Variants in WLS observed in about 807,000 individuals in gnomAD.
WLS encodes the protein Wnt ligand secretion mediator, also known as protein wntless homolog.
A neutral mutation model predicts 62.8 loss-of-function variants in WLS; 23 were observed. That is an observed-to-expected ratio of 0.37 (90% confidence interval 0.26 to 0.52). The LOEUF (loss-of-function observed/expected upper bound fraction) is 0.52, where lower values mean the gene tolerates loss of function less well. Ranked by LOEUF, WLS falls within the 20% of genes least tolerant of loss-of-function variation. WLS has a pLI of 0.92. For missense variants in WLS, 615 were observed against 697.3 expected (o/e 0.88, Z 1.33); for synonymous variants, 246 against 244.1 (o/e 1.01, Z -0.07).
intron 1 of WLS, among the ~76,000 whole-genome samples, chr1:68,217,647 C>T (rs114526268): frequency 6.6e-5 from 10 of 152,286 alleles, no homozygotes; most frequent in South Asian, 2.1e-4. Flanking sequence ...CTTAAAACTC[C>T]GGGGTCCTAC....
At chr1:68,220,876 C>T (rs1435480916) in intron 1 of WLS, among the ~76,000 whole-genome samples, 4 of 152,254 alleles carry the variant, frequency 2.6e-5, no homozygotes. Context: ...GAAGTTTTAA[C>T]ATAGAAATAT....
chr1:68,194,380 TG>T (rs1648545738), intron 1 of WLS, among the ~76,000 whole-genome samples, 153 bp from the exon 2 acceptor site: 1 of 152,220 alleles, frequency 6.6e-6, no homozygotes, highest in Admixed American at 6.5e-5. Context: ...CAAATCTGGG[TG>T]AGGATCTTTC....
intron 11 of WLS, among the ~76,000 whole-genome samples, chr1:68,127,683 T>C (rs1646455835): frequency 6.6e-6 from 1 of 152,182 alleles, no homozygotes; most frequent in South Asian, 2.1e-4. Context: ...ATATGATAAG[T>C]TTTCTGGAAC....
At chr1:68,216,940 T>C (rs1649753147) in intron 1 of WLS, among the ~76,000 whole-genome samples, 1 of 152,224 alleles carries the variant, frequency 6.6e-6, no homozygotes, top group East Asian at 1.9e-4. Flanking sequence ...TTGGTAGGGC[T>C]GTGCGTTTAT....
At chr1:68,222,420 G>A (rs1018967311) in intron 1 of WLS, among the ~76,000 whole-genome samples, 2 of 152,184 alleles carry the variant, frequency 1.3e-5, no homozygotes, top group Non-Finnish European at 2.9e-5. Flanking sequence ...AGGATACAAA[G>A]GGAAGGGGGA....
chr1:68,117,342 A>G (rs1294870880), intron 11 of WLS: 2 of 152,254 alleles, frequency 1.3e-5, no homozygotes, highest in Non-Finnish European at 2.9e-5. Context: ...GAGAGGTACT[A>G]TAGCTTGGCC....
At chr1:68,197,715 C>G (rs1172058502) in intron 1 of WLS, among the ~76,000 whole-genome samples, 1 of 152,142 alleles carries the variant, frequency 6.6e-6, no homozygotes. Context: ...CAGCTGGTAG[C>G]TGGTCACCTA....
chr1:68,161,925 T>G, intron 2 of WLS: 1 of 1,610,966 alleles, frequency 6.2e-7, no homozygotes, highest in Non-Finnish European at 8.5e-7. Flanking sequence ...CCACGATGCC[T>G]GGCGGATATC....
chr1:68,231,541 TC>T (rs1453885370), intron 1 of WLS: 3 of 292,172 alleles, frequency 1.0e-5, no homozygotes, highest in Non-Finnish European at 2.1e-5. Context: ...AAGGACTCCC[TC>T]CCACCCCACC....
chr1:68,099,985 G>A (rs892086103), intron 11 of WLS, among the ~76,000 whole-genome samples: 3 of 152,200 alleles, frequency 2.0e-5, no homozygotes, highest in African/African-American at 7.2e-5. Flanking sequence ...TCTTAGGAGA[G>A]TATACAGTAG....
chr1:68,151,938 G>T (rs1320154293), intron 5 of WLS, among the ~76,000 whole-genome samples: 1 of 152,146 alleles, frequency 6.6e-6, no homozygotes, highest in African/African-American at 2.4e-5. Context: ...CAAGGAAAGG[G>T]GTTGCGAGGC....
intron 2 of WLS, among the ~76,000 whole-genome samples, chr1:68,166,692 A>G (rs1461844540): frequency 6.6e-6 from 1 of 152,246 alleles, no homozygotes; most frequent in Non-Finnish European, 1.5e-5. Context: ...TATGGCTCAT[A>G]AGAATGTCTG....
chr1:68,147,301 G>T (rs993266678), intron 8 of WLS, among the ~76,000 whole-genome samples: 1 of 152,122 alleles, frequency 6.6e-6, no homozygotes, highest in African/African-American at 2.4e-5. Flanking sequence ...TTTGGTGGGG[G>T]CATAACAGAG....
chr1:68,116,734 G>T (rs1184328001), intron 11 of WLS, among the ~76,000 whole-genome samples: 1 of 152,226 alleles, frequency 6.6e-6, no homozygotes, highest in Non-Finnish European at 1.5e-5. Context: ...TTAGAACAGT[G>T]CCTGGTACTT....
At chr1:68,140,319 T>C (rs1203882545) in intron 10 of WLS, among the ~76,000 whole-genome samples, 1 of 152,130 alleles carries the variant, frequency 6.6e-6, no homozygotes, top group African/African-American at 2.4e-5. Context: ...TCTCTGAAGG[T>C]AGCACATGCT....
At chr1:68,109,726 A>T (rs1215695323) in intron 11 of WLS, among the ~76,000 whole-genome samples, 1 of 152,134 alleles carries the variant, frequency 6.6e-6, no homozygotes, top group East Asian at 1.9e-4. Flanking sequence ...ATCAATAATC[A>T]TTATAGGTTC....
intron 2 of WLS, among the ~76,000 whole-genome samples, chr1:68,165,514 C>G (rs1023281841): frequency 4.6e-5 from 7 of 152,062 alleles, no homozygotes; most frequent in African/African-American, 9.7e-5. Context: ...GGTCTGGCTT[C>G]CCAAGAAGAA....
intron 2 of WLS, chr1:68,162,199 C>A (rs138222216): frequency 4.9e-6 from 7 of 1,438,586 alleles, no homozygotes; most frequent in Admixed American, 1.7e-5. Flanking sequence ...CTCCGACTCA[C>A]GCACATAGAG....
chr1:68,193,444 G>GAAAAAAAA (rs111934768), intron 2 of WLS, among the ~76,000 whole-genome samples: 110 of 35,632 alleles, frequency 3.1e-3, no homozygotes, highest in African/African-American at 8.0e-3. Flanking sequence ...AAAAAAAAAC[G>GAAAAAAAA]AAAAAAAAAC....
Sources: allele counts gnomAD v4.1 joint callset (sites outside exome capture counted in the v4.1 genomes callset), GRCh38; gene constraint gnomAD v4.1.1; transcripts MANE v1.5; gene names NCBI Gene and HGNC (gene_info 2026-07-23, HGNC 2026-07-21).